The following MYCBP2 variants were observed in gnomAD, a reference collection of about 807,000 sequenced individuals.
MYCBP2 encodes MYC binding protein 2.
Under a neutral mutation model 525.3 loss-of-function variants are expected in MYCBP2, and 120 were observed. That is an observed-to-expected ratio of 0.23 (90% CI 0.20 to 0.27). MYCBP2 has a LOEUF of 0.27. MYCBP2 is among the 10% of genes least tolerant of loss of function. The pLI, the probability that MYCBP2 is intolerant of heterozygous loss-of-function variation, is 1.00. For missense variants in MYCBP2, 4,149 were observed against 5,657.1 expected, an observed-to-expected ratio of 0.73 and a Z score of 8.55; for synonymous variants, 1,894 against 1,955.8, an observed-to-expected ratio of 0.97 and a Z score of 0.83.
intron 55 of MYCBP2, among the ~76,000 whole-genome samples, chr13:77,106,264 A>G (rs2047832341): frequency 6.6e-6 from 1 of 152,152 alleles, no homozygotes; most frequent in African/African-American, 2.4e-5. Context: ...CATGAGTAAA[A>G]ATTAGTAATA....
In MYCBP2 at chr13:77,066,023, A is replaced by G; in HGVS notation, c.12521T>C (p.Ile4174Thr). The change falls in exon 72 of 83, where the codon ATC (isoleucine) becomes ACC (threonine). Residue 4174 changes from isoleucine (I) to threonine (T), a missense_variant. By Grantham distance (89) the Ile-to-Thr change is moderately conservative. Coordinates refer to ENST00000544440, the MANE Select transcript of MYCBP2 (RefSeq NM_015057.5). The part of the protein sequence containing the change: ...KGSTPTQISE[I>T]IIKLIKDMAA... Reference sequence around the variant, plus strand: ...CATATCCTTGATAAGTTTAATGATGATCTCTGAGATCTGGGTAGGGGTTGA... The same window carrying G: ...CATATCCTTGATAAGTTTAATGATGGTCTCTGAGATCTGGGTAGGGGTTGA... 1 of 1,613,114 alleles carries G rather than the reference A, an allele frequency of 6.2e-7. No homozygotes were observed. Among genetic ancestry groups the G allele is most frequent in the Non-Finnish European group, 8.5e-7 (1 of 1,179,392 alleles).
In MYCBP2 at chr13:77,067,745, T is replaced by C. The variant is rs1160506673; in HGVS notation, c.12291A>G (p.Lys4097=). 31 of 1,614,044 alleles carry C rather than the reference T, an allele frequency of 1.9e-5. No individual in the cohort carries two copies. The highest frequency in any genetic ancestry group is 2.4e-5 in the Non-Finnish European group (28 of 1,180,026). The change falls in exon 71 of 83, where the codon AAA becomes AAG. Residue 4097 remains lysine, a synonymous_variant. Transcript: ENST00000544440. ...DISDIIHSTE[K]GDWNKLGILD... is the part of the protein sequence containing the mutation. Reference sequence around the variant, plus strand: ...AGATACCCAGCTTATTCCAGTCTCCTTTCTCTGTTGAGTGAATGATATCAC... The same window carrying C: ...AGATACCCAGCTTATTCCAGTCTCCCTTCTCTGTTGAGTGAATGATATCAC...
chr13:77,205,806 C>CAAA (rs887417208), intron 24 of MYCBP2, among the ~76,000 whole-genome samples: 3 of 152,144 alleles, frequency 2.0e-5, no homozygotes, highest in Non-Finnish European at 4.4e-5. Flanking sequence ...TGCCATACGA[C>CAAA]AACCTTTTAC....
At chr13:77,314,049 C>T (rs2080611181) in intron 1 of MYCBP2, among the ~76,000 whole-genome samples, 1 of 152,066 alleles carries the variant, frequency 6.6e-6, no homozygotes. Context: ...TCATTTATTG[C>T]TGGTGGAAAT....
Position 77,067,869 on chromosome 13 carries a change from T to C in MYCBP2, c.12172-5A>G. On this transcript the variant is annotated splice_polypyrimidine_tract_variant and splice_region_variant and intron_variant, in intron 70 of 82. Transcript: ENST00000544440. ...TCTTCTTAGTAAAGAGGTTACCTGG[T>C]AAGAAAAATAAAATGAGAGAATTCC... 6.3e-7 allele frequency: 1 copy of C among 1,598,044 alleles called. No homozygotes were observed. The highest frequency in any genetic ancestry group is 8.5e-7 in the Non-Finnish European group (1 of 1,172,508).
chr13:77,264,040 C>G, intron 8 of MYCBP2, 38 bp from the exon 9 acceptor site: 8 of 1,548,108 alleles, frequency 5.2e-6, no homozygotes, highest in Non-Finnish European at 7.1e-6. Context: ...ACAATACAAG[C>G]AAACACCTTG....
At chr13:77,244,037 C>T (rs1025627600) in intron 15 of MYCBP2, 86 bp from the exon 16 acceptor site, 113 of 1,376,402 alleles carry the variant, frequency 8.2e-5, no homozygotes, top group Non-Finnish European at 1.0e-4. Context: ...ACTTATTTTC[C>T]ACATTTTTGA....
At chr13:77,228,755 A>C (rs950351318) in intron 18 of MYCBP2, among the ~76,000 whole-genome samples, 18 of 151,872 alleles carry the variant, frequency 1.2e-4, no homozygotes, top group African/African-American at 4.1e-4. Flanking sequence ...AAACTACAGT[A>C]GCTACAAAGC....
rs1246360967 is a variant in MYCBP2 at position 77,166,496 on chromosome 13, G to A, written c.6173C>T (p.Thr2058Ile). 1 of 1,613,756 alleles carries A rather than the reference G, an allele frequency of 6.2e-7. No homozygotes were observed. The highest frequency in any genetic ancestry group is 1.3e-5 in the African/African-American group (1 of 74,918). The part of the protein sequence containing the change: ...MTIEFDPQCG[T>I]AQSEDVLRLL... ...ACGAAGGACATCTTCTGACTGTGCA[G>A]TACCACACTGAGGGTCAAATTCGAT... The change falls in exon 41 of 83, where the codon ACT becomes ATT. Residue 2058 changes from threonine (T) to isoleucine (I), a missense_variant. By Grantham distance (89) the Thr-to-Ile change is moderately conservative. Around this residue, in one of 21 missense-constraint regions of MYCBP2, gnomAD observed 692 missense variants for 852.7 expected, o/e 0.81. Transcript: ENST00000544440.
chr13:77,115,139 T>A (rs1410343969), intron 55 of MYCBP2, among the ~76,000 whole-genome samples: 1 of 151,914 alleles, frequency 6.6e-6, no homozygotes, highest in Non-Finnish European at 1.5e-5. Context: ...GAAATGGTAA[T>A]CTTAAATACC....
At chr13:77,078,718 C>A in intron 66 of MYCBP2, 106 bp downstream of exon 66, 1 of 846,818 alleles carries the variant, frequency 1.2e-6, no homozygotes, top group Non-Finnish European at 2.0e-6. Flanking sequence ...AGATAATTCC[C>A]TATAATACTT....
intron 76 of MYCBP2, 76 bp downstream of exon 76, chr13:77,061,091 TCA>T: frequency 4.2e-6 from 6 of 1,413,956 alleles, no homozygotes; most frequent in Non-Finnish European, 5.7e-6. Context: ...TCAAAATTAT[TCA>T]CAGTTTAATC....
chr13:77,220,685 A>C (rs527845961), intron 20 of MYCBP2, among the ~76,000 whole-genome samples: 1 of 152,172 alleles, frequency 6.6e-6, no homozygotes, highest in African/African-American at 2.4e-5. Context: ...TAGTTAATAC[A>C]TATGCTATAG....
At chr13:77,186,917 C>T (rs2060781291) in intron 30 of MYCBP2, among the ~76,000 whole-genome samples, 1 of 149,944 alleles carries the variant, frequency 6.7e-6, no homozygotes, top group Non-Finnish European at 1.5e-5. Context: ...GCTATCCTCT[C>T]ACCACCCCCT....
intron 26 of MYCBP2, among the ~76,000 whole-genome samples, chr13:77,203,978 A>G (rs549154369): frequency 6.6e-6 from 1 of 152,182 alleles, no homozygotes; most frequent in South Asian, 2.1e-4. Context: ...TTCAGGACAT[A>G]GGCATGGGCA....
intron 68 of MYCBP2, among the ~76,000 whole-genome samples, chr13:77,075,213 A>C (rs1355267813): frequency 6.6e-6 from 1 of 152,210 alleles, no homozygotes; most frequent in African/African-American, 2.4e-5. Context: ...GTCTCAAGCA[A>C]AACAAAACAA....
At chr13:77,173,169 G>A (rs565704531) in intron 37 of MYCBP2, among the ~76,000 whole-genome samples, 1 of 152,188 alleles carries the variant, frequency 6.6e-6, no homozygotes, top group South Asian at 2.1e-4. Flanking sequence ...AAAACTAAAG[G>A]ACTTTAACAT....
chr13:77,299,075 G>T (rs79524295), intron 1 of MYCBP2, among the ~76,000 whole-genome samples: 4 of 152,096 alleles, frequency 2.6e-5, no homozygotes, highest in Non-Finnish European at 4.4e-5. Context: ...TTGAGCAACA[G>T]GAATACATAA....
intron 40 of MYCBP2, among the ~76,000 whole-genome samples, chr13:77,167,162 A>C (rs2058643507): frequency 6.6e-6 from 1 of 152,122 alleles, no homozygotes; most frequent in African/African-American, 2.4e-5. Context: ...TAAACTCATG[A>C]GGTATTTTAT....
Sources: allele counts gnomAD v4.1 joint callset (sites outside exome capture counted in the v4.1 genomes callset), GRCh38; gene constraint gnomAD v4.1.1; regional missense constraint gnomAD v4.1.1; transcripts MANE v1.5; gene names NCBI Gene and HGNC (gene_info 2026-07-23, HGNC 2026-07-21).